The following CUX2 variants were observed in gnomAD, a reference collection of about 807,000 sequenced individuals.
CUX2 encodes homeobox protein cut-like 2.
CUX2 carries 40 observed loss-of-function variants against 144.8 expected under a neutral mutation model. The observed-to-expected ratio is 0.28, with a 90% CI of 0.21 to 0.36. The LOEUF is 0.36. Among genes scored for constraint, CUX2 ranks in the 10% least tolerant of loss-of-function variants. CUX2 has a pLI of 1.00. For missense variants in CUX2, 1,615 were observed against 1,994.0 expected (o/e 0.81, Z 3.62); for synonymous variants, 827 against 875.6 (o/e 0.94, Z 0.98).
At chr12:111,328,610 G>GTC in intron 18 of CUX2, among the ~76,000 whole-genome samples, 1 of 151,654 alleles carries the variant, frequency 6.6e-6, no homozygotes, top group East Asian at 1.9e-4. Flanking sequence ...GTGTGTGTGT[G>GTC]TGTGTGTGTG....
rs1869529122 is a variant in CUX2, at chr12:111,037,690, A to C, written c.63+3450A>C. 6.6e-6 allele frequency among the ~76,000 whole-genome samples: 1 copy of C among 152,232 alleles called. No homozygotes were observed. Among genetic ancestry groups the C allele is most frequent in the African/African-American group, 2.4e-5 (1 of 41,456 alleles). ...ATAAGATTGCTTTATGGTGAACATT[A>C]CTAATGCAGTATTTTTTTATGGCTT... On this transcript the variant is annotated intron_variant, in intron 1 of 21. Transcript: ENST00000261726. The surrounding 1 kb of genome is among the most constrained non-coding windows in gnomAD (Gnocchi z 5.4).
chr12:111,183,498 T>A (rs1879323844), intron 1 of CUX2, among the ~76,000 whole-genome samples: 1 of 152,194 alleles, frequency 6.6e-6, no homozygotes, highest in South Asian at 2.1e-4. Flanking sequence ...AGGGTGAGGT[T>A]GTTGTTTACC....
intron 1 of CUX2, among the ~76,000 whole-genome samples, chr12:111,198,546 A>G (rs970398859): frequency 6.6e-6 from 1 of 152,084 alleles, no homozygotes. Flanking sequence ...ATGGAGGTGA[A>G]CAAAACAGAC....
intron 1 of CUX2, among the ~76,000 whole-genome samples, chr12:111,118,778 T>TA (rs1246601852): frequency 6.6e-6 from 1 of 152,122 alleles, no homozygotes; most frequent in Non-Finnish European, 1.5e-5. Flanking sequence ...TGAGAGAGCT[T>TA]AAAAAAATAC....
chr12:111,197,714 G>GTGGC (rs1410518453), intron 1 of CUX2, among the ~76,000 whole-genome samples: 3 of 152,244 alleles, frequency 2.0e-5, no homozygotes, highest in African/African-American at 7.2e-5. Context: ...GCTCAGGCCA[G>GTGGC]TCTAAGGTCA....
At chr12:111,130,297 T>C (rs1215275571) in intron 1 of CUX2, among the ~76,000 whole-genome samples, 2 of 152,244 alleles carry the variant, frequency 1.3e-5, no homozygotes, top group East Asian at 3.8e-4. Flanking sequence ...TTTGATCCCT[T>C]GATCTAGAAC....
intron 1 of CUX2, among the ~76,000 whole-genome samples, chr12:111,151,573 A>G (rs2136136948): frequency 6.6e-6 from 1 of 152,290 alleles, no homozygotes; most frequent in South Asian, 2.1e-4. Context: ...AGAATTGGGC[A>G]CCTACTGAAT....
intron 4 of CUX2, among the ~76,000 whole-genome samples, chr12:111,278,908 C>T (rs1885000806): frequency 6.6e-6 from 1 of 152,166 alleles, no homozygotes; most frequent in South Asian, 2.1e-4. Context: ...CTGTAATTGT[C>T]TGGATGTTAG....
At position 111,035,488 on chromosome 12, in the gene CUX2, G is replaced by C. The variant is rs1279441167; in HGVS notation, c.63+1248G>C. ...AGCCTTGGAGTCTCGCAAAGTCTCGGCGGGTGCGGCGGGGATCAGGGGCGG... is the reference window on the plus strand; with the variant it reads ...AGCCTTGGAGTCTCGCAAAGTCTCGCCGGGTGCGGCGGGGATCAGGGGCGG... On this transcript the variant is annotated intron_variant, in intron 1 of 21. Transcript: ENST00000261726. The surrounding 1 kb of genome is among the most constrained non-coding windows in gnomAD (Gnocchi z 6.0). 6.6e-6 allele frequency among the ~76,000 whole-genome samples: 1 copy of C among 152,218 alleles called. No homozygotes were observed. The highest frequency in any genetic ancestry group is 1.5e-5 in the Non-Finnish European group (1 of 68,038).
chr12:111,140,149 A>G (rs779964446), intron 1 of CUX2, among the ~76,000 whole-genome samples: 5 of 152,050 alleles, frequency 3.3e-5, no homozygotes, highest in Non-Finnish European at 7.4e-5. Flanking sequence ...ACATTTTTTC[A>G]GTGTTGAAAC....
chr12:111,133,546 A>G (rs1357381398), intron 1 of CUX2, among the ~76,000 whole-genome samples: 1 of 152,204 alleles, frequency 6.6e-6, no homozygotes, highest in Non-Finnish European at 1.5e-5. Flanking sequence ...ACTGGCCCCC[A>G]TGATTCAGTT....
At chr12:111,163,453 GA>G (rs2136154546) in intron 1 of CUX2, among the ~76,000 whole-genome samples, 1 of 152,324 alleles carries the variant, frequency 6.6e-6, no homozygotes, top group East Asian at 1.9e-4. Context: ...GAGCCTGGGG[GA>G]GAAAAGTGTT....
At chr12:111,197,313 C>T (rs1279250781) in intron 1 of CUX2, among the ~76,000 whole-genome samples, 2 of 152,174 alleles carry the variant, frequency 1.3e-5, no homozygotes, top group Non-Finnish European at 2.9e-5. Flanking sequence ...ATTGTTGGTA[C>T]TATTCTGCCT....
chr12:111,293,421 GT>G lies in CUX2; in HGVS notation c.437-21del. The G allele has an allele frequency of 1.3e-6, 2 of 1,594,808 alleles. No individual in the cohort carries two copies. The highest frequency in any genetic ancestry group is 1.7e-6 in the Non-Finnish European group (2 of 1,171,604). The stretch of plus-strand genomic sequence containing the variant: ...CCACGTTGCTCTCTTGGCAATGGGG[GT>G]TTTCCCTCTTTTTCTCCCTGCAGAG... On this transcript the variant is annotated intron_variant, in intron 5 of 21. Coordinates refer to ENST00000261726, the MANE Select transcript of CUX2 (RefSeq NM_015267.4). This position sits in a 1 kb window ranked among gnomAD's most constrained non-coding sequence, Gnocchi z 4.5.
chr12:111,165,017 G>T lies in CUX2; in HGVS notation c.64-49183G>T, dbSNP rs116863098. Among the ~76,000 whole-genome samples the T allele has an allele frequency of 3.3e-4, 51 of 152,252 alleles. No individual in the cohort carries two copies. In the East Asian group the frequency reaches 9.5e-3, roughly 28 times the overall value. On this transcript the variant is annotated intron_variant, in intron 1 of 21. Coordinates refer to ENST00000261726, the MANE Select transcript of CUX2 (RefSeq NM_015267.4). Reference sequence around the variant, plus strand: ...CCAAGAGACAGAAATCAAACCCTGCGAATAGCATTTGAACTGCTGGATCCA... The same window carrying T: ...CCAAGAGACAGAAATCAAACCCTGCTAATAGCATTTGAACTGCTGGATCCA...
chr12:111,201,318 G>A (rs573952493), intron 1 of CUX2, among the ~76,000 whole-genome samples: 92 of 152,244 alleles, frequency 6.0e-4, no homozygotes, highest in African/African-American at 2.1e-3. Flanking sequence ...CCTGGAGGTG[G>A]GGGTGGCACC....
chr12:111,107,276 C>G (rs1369824831), intron 1 of CUX2, among the ~76,000 whole-genome samples: 2 of 152,228 alleles, frequency 1.3e-5, no homozygotes, highest in South Asian at 4.1e-4. Context: ...GCCCACAGGC[C>G]CCTCACACAG....
intron 1 of CUX2, among the ~76,000 whole-genome samples, chr12:111,048,014 A>G (rs1017217874): frequency 7.9e-5 from 12 of 152,172 alleles, no homozygotes; most frequent in Non-Finnish European, 1.5e-4. Flanking sequence ...CAGCTTGTAA[A>G]GTCCTGGAAC....
chr12:111,225,400 G>A (rs1176416800), intron 3 of CUX2, among the ~76,000 whole-genome samples: 1 of 152,232 alleles, frequency 6.6e-6, no homozygotes, highest in African/African-American at 2.4e-5. Flanking sequence ...CTCGGGCAGG[G>A]ACATCAGCTG....
Sources: allele counts gnomAD v4.1 joint callset (sites outside exome capture counted in the v4.1 genomes callset), GRCh38; gene constraint gnomAD v4.1.1; non-coding constraint Gnocchi (gnomAD v3.1); transcripts MANE v1.5; gene names NCBI Gene and HGNC (gene_info 2026-07-23, HGNC 2026-07-21).